SPOCK3: variants seen among roughly 807,000 people sequenced by gnomAD.
SPOCK3 encodes the protein testican-3.
In SPOCK3, 30 loss-of-function variants were observed where a neutral mutation model predicts 56.6. The observed-to-expected ratio is 0.53, with a 90% CI of 0.40 to 0.72. The LOEUF (loss-of-function observed/expected upper bound fraction) is 0.72. Ranked by LOEUF, SPOCK3 falls within the 30% of genes least tolerant of loss-of-function variation. The pLI is 0.00. For missense variants in SPOCK3, 527 were observed against 530.0 expected, an observed-to-expected ratio of 0.99 and a Z score of 0.06; for synonymous variants, 196 against 183.3, an observed-to-expected ratio of 1.07 and a Z score of -0.56.
chr4:167,187,783 G>A (rs960413043), intron 2 of SPOCK3, among the ~76,000 whole-genome samples: 1 of 152,076 alleles, frequency 6.6e-6, no homozygotes, highest in Non-Finnish European at 1.5e-5. Context: ...TATGAGTTAT[G>A]TGCAGTGCTA....
In SPOCK3 at chr4:167,066,888, A is replaced by T. The variant is rs534441989; in HGVS notation, c.190-4351T>A. On this transcript the variant is annotated intron_variant, in intron 2 of 10. Coordinates refer to ENST00000357545, the MANE Select transcript of SPOCK3 (RefSeq NM_001040159.2). ...TTTCCTGTTCCAATAACTGGTTACA[A>T]CTAGGCTTTGTACAGGTGAGGTGGG... 2.6e-5 allele frequency among the ~76,000 whole-genome samples: 4 copies of T among 152,032 alleles called. No homozygotes were observed. The South Asian group carries it at 8.3e-4, about 32-fold the overall frequency.
intron 4 of SPOCK3, among the ~76,000 whole-genome samples, chr4:166,991,080 CCT>C (rs1747731771): frequency 6.6e-6 from 1 of 151,868 alleles, no homozygotes; most frequent in East Asian, 1.9e-4. Context: ...CACTGTGGAG[CCT>C]CTTTTTTTAA....
chr4:166,847,787 T>A (rs1198437919), intron 6 of SPOCK3, among the ~76,000 whole-genome samples: 1 of 150,686 alleles, frequency 6.6e-6, no homozygotes, highest in Non-Finnish European at 1.5e-5. Context: ...AAAAGACTGA[T>A]TAGGCAGAAA....
At chr4:167,029,194 T>C (rs1752022918) in intron 3 of SPOCK3, among the ~76,000 whole-genome samples, 1 of 152,036 alleles carries the variant, frequency 6.6e-6, no homozygotes, top group Non-Finnish European at 1.5e-5. Context: ...CCTGAGTTAG[T>C]TTGCTGAGGA....
chr4:167,054,145 A>G (rs1421266921), intron 3 of SPOCK3, among the ~76,000 whole-genome samples: 1 of 152,148 alleles, frequency 6.6e-6, no homozygotes, highest in Non-Finnish European at 1.5e-5. Flanking sequence ...AATAACACTT[A>G]AATAAAAGGT....
At chr4:166,841,692 C>G (rs1484572591) in intron 6 of SPOCK3, among the ~76,000 whole-genome samples, 3 of 152,104 alleles carry the variant, frequency 2.0e-5, no homozygotes, top group African/African-American at 7.2e-5. Flanking sequence ...AGTAATATTA[C>G]AAATCTTCCC....
intron 4 of SPOCK3, among the ~76,000 whole-genome samples, chr4:166,970,335 A>G (rs974593676): frequency 6.6e-6 from 1 of 152,184 alleles, no homozygotes; most frequent in Non-Finnish European, 1.5e-5. Context: ...GAATGGCTAC[A>G]CTTCTTTGGA....
chr4:167,057,537 A>T (rs1299002888), intron 3 of SPOCK3, among the ~76,000 whole-genome samples: 1 of 152,020 alleles, frequency 6.6e-6, no homozygotes, highest in Non-Finnish European at 1.5e-5. Flanking sequence ...GTATTCAGGA[A>T]ACCCATCTCA....
intron 6 of SPOCK3, among the ~76,000 whole-genome samples, chr4:166,799,013 T>A (rs183156811): frequency 5.3e-5 from 8 of 152,312 alleles, no homozygotes; most frequent in Admixed American, 5.2e-4. Context: ...GCCAATTTAA[T>A]GCCAAGATTT....
intron 6 of SPOCK3, among the ~76,000 whole-genome samples, chr4:166,822,272 T>C (rs1250639192): frequency 6.6e-6 from 1 of 152,034 alleles, no homozygotes; most frequent in Non-Finnish European, 1.5e-5. Flanking sequence ...ACCAACGAAA[T>C]GAACTCAAAC....
intron 7 of SPOCK3, among the ~76,000 whole-genome samples, chr4:166,789,416 CG>C (rs1226999987): frequency 6.6e-6 from 1 of 151,980 alleles, no homozygotes; most frequent in East Asian, 1.9e-4. Context: ...GCAACAAGAG[CG>C]AAACGCTGTC....
At chr4:167,022,463 G>A (rs528924215) in intron 3 of SPOCK3, among the ~76,000 whole-genome samples, 11 of 151,958 alleles carry the variant, frequency 7.2e-5, no homozygotes, top group Non-Finnish European at 1.5e-4. Flanking sequence ...ATAAGATCAA[G>A]GCCAAGAAGT....
rs74821145 is a variant in SPOCK3, at chr4:167,227,814, A to T, written c.189+6171T>A. On this transcript the variant is annotated intron_variant, in intron 2 of 10. Transcript: ENST00000357545. ...TAAAATGTCACTCTGAGTCACAATC[A>T]TAAGATCTAAAAGCATCCAACCCCA... Among the ~76,000 whole-genome samples, 248 of 152,288 alleles carry T rather than the reference A, an allele frequency of 1.6e-3. 1 individual carries two copies. Among genetic ancestry groups the T allele is most frequent in the African/African-American group, 5.7e-3 (235 of 41,558 alleles).
At chr4:167,124,105 A>C (rs1362131573) in intron 2 of SPOCK3, among the ~76,000 whole-genome samples, 3 of 151,904 alleles carry the variant, frequency 2.0e-5, no homozygotes, top group Non-Finnish European at 4.4e-5. Context: ...CCACCCCCAT[A>C]TATTCCTCCC....
At chr4:167,034,417 G>T (rs1752547440) in intron 3 of SPOCK3, among the ~76,000 whole-genome samples, 1 of 152,078 alleles carries the variant, frequency 6.6e-6, no homozygotes, top group East Asian at 1.9e-4. Context: ...GTATTTTTCA[G>T]TATGAGATAC....
At chr4:166,769,221 T>C (rs548930801) in intron 7 of SPOCK3, among the ~76,000 whole-genome samples, 1 of 152,332 alleles carries the variant, frequency 6.6e-6, no homozygotes, top group South Asian at 2.1e-4. Flanking sequence ...TGTCTTCTGT[T>C]GCTGGGGAGG....
At chr4:167,175,684 A>C (rs1730923466) in intron 2 of SPOCK3, among the ~76,000 whole-genome samples, 4 of 152,104 alleles carry the variant, frequency 2.6e-5, no homozygotes, top group Admixed American at 2.6e-4. Context: ...GGCATCTATG[A>C]GCTAAACAGA....
chr4:167,212,428 G>C (rs1268848222), intron 2 of SPOCK3, among the ~76,000 whole-genome samples: 1 of 151,820 alleles, frequency 6.6e-6, no homozygotes, highest in East Asian at 1.9e-4. Flanking sequence ...TTTTTGTAGA[G>C]CCGGGGTTTC....
intron 2 of SPOCK3, among the ~76,000 whole-genome samples, chr4:167,124,647 CTTT>C (rs80158217): frequency 6.6e-6 from 1 of 150,388 alleles, no homozygotes; most frequent in Non-Finnish European, 1.5e-5. Flanking sequence ...TTTGCCTTAT[CTTT>C]TTTTTTTCTT....
Sources: gnomAD v4.1 joint callset for allele counts (sites outside exome capture counted in the v4.1 genomes callset) on GRCh38, gnomAD v4.1.1 for gene constraint, MANE v1.5 for transcripts, NCBI Gene and HGNC (gene_info 2026-07-23, HGNC 2026-07-21) for gene names.